LNPEP: variants seen among roughly 807,000 people sequenced by gnomAD.
LNPEP encodes the protein leucyl and cystinyl aminopeptidase, also known as leucyl-cystinyl aminopeptidase.
LNPEP carries 64 observed loss-of-function variants against 120.6 expected under a neutral mutation model. The observed-to-expected ratio is 0.53, with a 90% CI of 0.43 to 0.65. The LOEUF is 0.65. Ranked by LOEUF, LNPEP falls within the 30% of genes least tolerant of loss-of-function variation. The pLI is 0.00. For synonymous variants in LNPEP, 435 were observed against 425.4 expected (o/e 1.02, Z -0.28); for missense variants, 1,057 against 1,200.0 (o/e 0.88, Z 1.76).
chr5:96,985,340 C>A, intron 3 of LNPEP, 122 bp downstream of exon 3: 1 of 756,580 alleles, frequency 1.3e-6, no homozygotes, highest in Non-Finnish European at 1.9e-6. Flanking sequence ...TAATATTCTT[C>A]CTTAAAATAC....
At chr5:96,971,655 T>C (rs55767008) in intron 1 of LNPEP, among the ~76,000 whole-genome samples, 7,558 of 152,096 alleles carry the variant, frequency 0.05, 274 homozygotes, top group Middle Eastern at 0.12. Context: ...ACTCTTTCTT[T>C]TGCTGTCTCC....
At chr5:96,998,663 G>GTATAAA in intron 8 of LNPEP, among the ~76,000 whole-genome samples, 1 of 152,176 alleles carries the variant, frequency 6.6e-6, no homozygotes, top group Non-Finnish European at 1.5e-5. Flanking sequence ...AGTGATAACG[G>GTATAAA]TGTCATTCAC....
intron 1 of LNPEP, among the ~76,000 whole-genome samples, chr5:96,969,752 T>A (rs957973596): frequency 4.6e-5 from 7 of 151,664 alleles, no homozygotes; most frequent in African/African-American, 1.7e-4. Context: ...GTTTTTTTTT[T>A]ATTATTTTTT....
intron 3 of LNPEP, among the ~76,000 whole-genome samples, chr5:96,985,975 G>A (rs1192010822): frequency 6.6e-6 from 1 of 152,126 alleles, no homozygotes; most frequent in Non-Finnish European, 1.5e-5. Flanking sequence ...TCTCTAAAGA[G>A]GCAGATGCCT....
At position 96,936,104 on chromosome 5, in the gene LNPEP, C is replaced by T. The variant is rs1341906878; in HGVS notation, c.-52C>T. On this transcript the variant is annotated 5_prime_UTR_variant, in exon 1 of 18. Coordinates refer to ENST00000231368, the MANE Select transcript of LNPEP (RefSeq NM_005575.3). Reference sequence around the variant, plus strand: ...CAGTCAGCTGGGCCGCCTCAGCTCTCGGAGTAGGAAGCTCGGGCGCTCCGG... The same window carrying T: ...CAGTCAGCTGGGCCGCCTCAGCTCTTGGAGTAGGAAGCTCGGGCGCTCCGG... The T allele has an allele frequency of 6.6e-6, 10 of 1,514,502 alleles. No individual in the cohort carries two copies. The highest frequency in any genetic ancestry group is 8.8e-6 in the Non-Finnish European group (10 of 1,131,164). 93.8% of individuals were successfully genotyped at this position (1,514,502 alleles called of 1,614,324 possible).
chr5:97,006,048 A>T (rs1038208265), intron 9 of LNPEP, 25 bp from the exon 10 acceptor site: 20 of 394,674 alleles, frequency 5.1e-5, no homozygotes, highest in Non-Finnish European at 7.5e-5. Flanking sequence ...AAAAAGTTTT[A>T]TATATATATA....
chr5:97,032,572 C>T lies in LNPEP; in HGVS notation c.*4039C>T, dbSNP rs964942931. The stretch of plus-strand genomic sequence containing the variant: ...GTGATATATCATCCTATGAAAATTT[C>T]ATCTACCCTTCCCATTTTACCTGTA... On this transcript the variant is annotated 3_prime_UTR_variant, in exon 18 of 18. Coordinates refer to ENST00000231368, the MANE Select transcript of LNPEP (RefSeq NM_005575.3). The T allele has an allele frequency of 6.6e-6, 1 of 152,022 alleles. No homozygotes were observed. The highest frequency in any genetic ancestry group is 1.5e-5 in the Non-Finnish European group (1 of 68,010). 9.4% of individuals were successfully genotyped at this position (152,022 alleles called of 1,614,324 possible). A position where few individuals can be genotyped will look rare whatever the true frequency, so the allele number is the denominator to read the frequency against.
chr5:96,994,800 T>C (rs1454380495), intron 6 of LNPEP, among the ~76,000 whole-genome samples: 1 of 152,152 alleles, frequency 6.6e-6, no homozygotes, highest in East Asian at 1.9e-4. Context: ...TATGAGCACA[T>C]TCTCATTTGC....
At position 96,979,593 on chromosome 5, in the gene LNPEP, A is replaced by C; in HGVS notation, c.475A>C (p.Lys159Gln). 6.2e-7 allele frequency: 1 copy of C among 1,614,132 alleles called. No individual in the cohort carries two copies. The highest frequency in any genetic ancestry group is 2.2e-5 in the East Asian group (1 of 44,884). ...GLIQPFATNG[K>Q]LFPWAQIRLP... is the part of the protein sequence containing the mutation. ...AATTCAGCCATTTGCAACAAATGGG[A>C]AATTGTTTCCATGGGCACAGATCAG... The change falls in exon 2 of 18, where the codon AAA becomes CAA. Residue 159 changes from lysine to glutamine, a missense_variant. By Grantham distance (53) the Lys-to-Gln change is moderately conservative. Coordinates refer to ENST00000231368, the MANE Select transcript of LNPEP (RefSeq NM_005575.3).
intron 16 of LNPEP, among the ~76,000 whole-genome samples, chr5:97,027,261 G>C (rs2112675862): frequency 6.6e-6 from 1 of 152,104 alleles, no homozygotes; most frequent in Admixed American, 6.5e-5. Flanking sequence ...GCTGAGGCAA[G>C]AGAATGGTGT....
chr5:96,985,082 A>G lies in LNPEP; in HGVS notation c.863A>G (p.Tyr288Cys), dbSNP rs759485721. 1.2e-6 allele frequency: 2 copies of G among 1,613,892 alleles called. No homozygotes were observed. The highest frequency in any genetic ancestry group is 1.7e-6 in the Non-Finnish European group (2 of 1,179,826). Reference sequence around the variant, plus strand: ...GATTGAATTTGTGTTTGTTTTAGGTACTTTGCAGCAACTCAGTTTGAACCC... The same window carrying G: ...GATTGAATTTGTGTTTGTTTTAGGTGCTTTGCAGCAACTCAGTTTGAACCC... ...SYTDESNEKK[Y>C]FAATQFEPLA... is the part of the protein sequence containing the mutation. Residue 288 changes from tyrosine (Y) to cysteine (C), a missense_variant and splice_region_variant, in exon 3 of 18, where the codon TAC becomes TGC. Physicochemically the swap from Tyr to Cys is radical, Grantham distance 194. Transcript: ENST00000231368.
chr5:96,965,099 A>G (rs771809352), intron 1 of LNPEP, among the ~76,000 whole-genome samples: 1 of 151,542 alleles, frequency 6.6e-6, no homozygotes, highest in African/African-American at 2.4e-5. Flanking sequence ...CAATTCTTCT[A>G]TCTATTTTGC....
chr5:97,026,655 C>G lies in LNPEP; in HGVS notation c.2762C>G (p.Thr921Arg), dbSNP rs1791348276. ...AGCCTGAATGGAGATAACTTCCGAACACAGAAGCTGTCTTTTATCATTAGA... is the reference window on the plus strand; with the variant it reads ...AGCCTGAATGGAGATAACTTCCGAAGACAGAAGCTGTCTTTTATCATTAGA... ...KSSLNGDNFRTQKLSFIIRTV... is the reference protein window; with the variant it reads ...KSSLNGDNFRRQKLSFIIRTV... The change falls in exon 16 of 18, where the codon ACA becomes AGA. Residue 921 changes from threonine to arginine, a missense_variant. Coordinates refer to ENST00000231368, the MANE Select transcript of LNPEP (RefSeq NM_005575.3). 3.7e-6 allele frequency: 6 copies of G among 1,612,850 alleles called. No homozygotes were observed. In the East Asian group the frequency reaches 1.3e-4, roughly 36 times the overall value.
At chr5:97,021,923 GTTTTTTTTTTTTTT>G (rs1165456605) in intron 13 of LNPEP, among the ~76,000 whole-genome samples, 1 of 57,170 alleles carries the variant, frequency 1.7e-5, no homozygotes, top group Non-Finnish European at 3.1e-5. Context: ...TTTGTCTTTT[GTTTTTTTTTTTTTT>G]TTTTTTTTTT....
At chr5:96,966,474 T>A (rs1205476763) in intron 1 of LNPEP, among the ~76,000 whole-genome samples, 9 of 151,638 alleles carry the variant, frequency 5.9e-5, no homozygotes, top group Non-Finnish European at 5.9e-5. Flanking sequence ...CACTCCAACC[T>A]GGGTCACAGA....
chr5:96,991,694 G>C (rs1202185861), intron 4 of LNPEP, among the ~76,000 whole-genome samples: 1 of 152,044 alleles, frequency 6.6e-6, no homozygotes, highest in African/African-American at 2.4e-5. Context: ...GTTCCTTTTA[G>C]ATTCTAGATA....
chr5:96,958,517 C>T (rs1388107471), intron 1 of LNPEP: 5 of 983,826 alleles, frequency 5.1e-6, no homozygotes, highest in African/African-American at 1.7e-5. Context: ...GTTGTGGGGA[C>T]TAGTTGTATT....
chr5:96,989,360 ATATAT>A (rs1561443177), intron 4 of LNPEP, among the ~76,000 whole-genome samples: 3 of 22,992 alleles, frequency 1.3e-4, no homozygotes, highest in African/African-American at 5.3e-4. Context: ...ATTATATATT[ATATAT>A]AATTATATAT....
chr5:96,954,822 G>A (rs868711330), intron 1 of LNPEP, among the ~76,000 whole-genome samples: 4 of 105,452 alleles, frequency 3.8e-5, no homozygotes, highest in African/African-American at 7.5e-5. Context: ...TTGCTCTGTC[G>A]CCCAGGCTGG....
Sources: gnomAD v4.1 joint callset for allele counts (sites outside exome capture counted in the v4.1 genomes callset) on GRCh38, gnomAD v4.1.1 for gene constraint, MANE v1.5 for transcripts, NCBI Gene and HGNC (gene_info 2026-07-23, HGNC 2026-07-21) for gene names.